The following RNF216 variants were observed in gnomAD, a reference collection of about 807,000 sequenced individuals.
RNF216 encodes ring finger protein 216.
In RNF216, 72 loss-of-function variants were observed where a neutral mutation model predicts 110.8. That is an observed-to-expected ratio of 0.65 (90% CI 0.54 to 0.79). RNF216 has a LOEUF of 0.79. RNF216 is among the 30% of genes least tolerant of loss of function. The probability of loss-of-function intolerance (pLI) is 0.00; values close to 1 mark genes in which losing one functional copy is unlikely to be tolerated. For missense variants in RNF216, 1,342 were observed against 1,141.2 expected (o/e 1.18, Z -2.54); for synonymous variants, 495 against 407.5 (o/e 1.21, Z -2.59).
At chr7:5,636,293 T>C (rs1692468834) in intron 15 of RNF216, among the ~76,000 whole-genome samples, 1 of 152,266 alleles carries the variant, frequency 6.6e-6, no homozygotes, top group Non-Finnish European at 1.5e-5. Context: ...TGTTCGCTTC[T>C]GGTTTTTTGC....
At chr7:5,638,854 T>TA (rs1787562095) in intron 15 of RNF216, among the ~76,000 whole-genome samples, 1 of 152,104 alleles carries the variant, frequency 6.6e-6, no homozygotes, top group Admixed American at 6.6e-5. Flanking sequence ...AGGCTGTTCT[T>TA]AAACTCCAGG....
chr7:5,779,941 C>G (rs1381852936), intron 1 of RNF216: 1 of 152,030 alleles, frequency 6.6e-6, no homozygotes, highest in Non-Finnish European at 1.5e-5. Flanking sequence ...CGGATATGCT[C>G]TGGTCCCCCA....
At chr7:5,730,995 TTTCTATC>T (rs1682201974) in intron 5 of RNF216, among the ~76,000 whole-genome samples, 178 bp from the exon 6 acceptor site, 1 of 152,224 alleles carries the variant, frequency 6.6e-6, no homozygotes, top group Non-Finnish European at 1.5e-5. Context: ...CTGCACTGAA[TTTCTATC>T]TTTGTGAAAG....
chr7:5,710,811 C>T (rs908828612), intron 13 of RNF216, among the ~76,000 whole-genome samples: 3 of 152,190 alleles, frequency 2.0e-5, no homozygotes, highest in Non-Finnish European at 2.9e-5. Flanking sequence ...CCTCCCCAGG[C>T]AGTCCAACAC....
intron 13 of RNF216, among the ~76,000 whole-genome samples, chr7:5,679,077 G>C (rs1790489552): frequency 6.6e-6 from 1 of 152,238 alleles, no homozygotes; most frequent in South Asian, 2.1e-4. Flanking sequence ...ACAGTGGAAT[G>C]AATAACAGCA....
rs1359947044 is a variant in RNF216, at chr7:5,741,589, G to T, written c.428C>A (p.Ser143Tyr). 6.2e-7 allele frequency: 1 copy of T among 1,614,026 alleles called. No homozygotes were observed. The highest frequency in any genetic ancestry group is 8.5e-7 in the Non-Finnish European group (1 of 1,180,048). Reference sequence around the variant, plus strand: ...TTGGCCACTTGGCTTAGTGAATTCAGAGATTCCAGGAGGCCCAAGATCCAG... The same window carrying T: ...TTGGCCACTTGGCTTAGTGAATTCATAGATTCCAGGAGGCCCAAGATCCAG... ...EFLDLGPPGI[S>Y]EFTKPSGQTE... Residue 143 changes from serine to tyrosine, a missense_variant, in exon 4 of 17, where the codon TCT (serine) becomes TAT (tyrosine). Coordinates refer to ENST00000389902, the MANE Select transcript of RNF216 (RefSeq NM_207111.4).
intron 1 of RNF216, among the ~76,000 whole-genome samples, chr7:5,762,372 C>G (rs1434664593): frequency 6.6e-6 from 1 of 151,076 alleles, no homozygotes; most frequent in Non-Finnish European, 1.5e-5. Context: ...AAAACACACA[C>G]ACAGGCTGGG....
intron 15 of RNF216, among the ~76,000 whole-genome samples, chr7:5,633,474 G>C (rs1409276726): frequency 6.6e-6 from 1 of 151,952 alleles, no homozygotes. Flanking sequence ...ACTCAGGAGG[G>C]TGAGGCAGGA....
At chr7:5,686,224 TAAAAAA>T (rs71971690) in intron 13 of RNF216, among the ~76,000 whole-genome samples, 11 of 111,626 alleles carry the variant, frequency 9.9e-5, no homozygotes, top group Admixed American at 3.7e-4. Context: ...ACTCTGTTAT[TAAAAAA>T]AAAAAAAAAA....
At chr7:5,734,093 AG>A (rs1160350362) in intron 5 of RNF216, among the ~76,000 whole-genome samples, 1 of 152,228 alleles carries the variant, frequency 6.6e-6, no homozygotes, top group Admixed American at 6.5e-5. Flanking sequence ...TTCTGCTGGA[AG>A]ACACAAACAT....
At chr7:5,774,505 G>A (rs1477176242) in intron 1 of RNF216, among the ~76,000 whole-genome samples, 1 of 152,176 alleles carries the variant, frequency 6.6e-6, no homozygotes, top group East Asian at 1.9e-4. Context: ...ATTACATGAA[G>A]TTTTAGCACA....
intron 2 of RNF216, among the ~76,000 whole-genome samples, chr7:5,756,051 G>T (rs529413452): frequency 2.6e-5 from 4 of 152,166 alleles, no homozygotes; most frequent in Non-Finnish European, 5.9e-5. Context: ...CACAAGTCAC[G>T]AGCGGGACAG....
At chr7:5,724,714 A>C (rs1793643511) in intron 8 of RNF216, among the ~76,000 whole-genome samples, 1 of 152,208 alleles carries the variant, frequency 6.6e-6, no homozygotes, top group African/African-American at 2.4e-5. Flanking sequence ...TGTGGTAATT[A>C]AGTACACATG....
Position 5,741,679 on chromosome 7 carries a change from A to G in RNF216, c.338T>C (p.Val113Ala). 1.2e-6 allele frequency: 2 copies of G among 1,614,206 alleles called. No homozygotes were observed. The highest frequency in any genetic ancestry group is 8.5e-7 in the Non-Finnish European group (1 of 1,180,040). ...AGAATCAAACAATGGGTTGTTACACACTGAAAAATAGCTGCTCTTATCTGA... is the reference window on the plus strand; with the variant it reads ...AGAATCAAACAATGGGTTGTTACACGCTGAAAAATAGCTGCTCTTATCTGA... ...FESDKSSYFS[V>A]CNNPLFDSGA... The change falls in exon 4 of 17, where the codon GTG becomes GCG. Residue 113 changes from valine to alanine, a missense_variant. Physicochemically the swap from Val to Ala is moderately conservative, Grantham distance 64. Transcript: ENST00000389902.
At chr7:5,764,473 C>T (rs552393644) in intron 1 of RNF216, among the ~76,000 whole-genome samples, 67 of 151,800 alleles carry the variant, frequency 4.4e-4, no homozygotes, top group Non-Finnish European at 8.0e-4. Flanking sequence ...CATGGCAAAA[C>T]GCCGTCTCTA....
chr7:5,672,300 T>C lies in RNF216; in HGVS notation c.2062-19790A>G, dbSNP rs545849667. 3.9e-5 allele frequency among the ~76,000 whole-genome samples: 6 copies of C among 152,334 alleles called. No individual in the cohort carries two copies. The East Asian group carries it at 7.7e-4, about 20-fold the overall frequency. On this transcript the variant is annotated intron_variant, in intron 13 of 16. Coordinates refer to ENST00000389902, the MANE Select transcript of RNF216 (RefSeq NM_207111.4). ...AGCTGCCCCTAAATACATGTTTACT[T>C]TGGGGGAATGATAATCTTGTAGTTA... is the stretch of plus-strand genomic sequence containing the variant.
At chr7:5,635,980 G>A (rs2128562701) in intron 15 of RNF216, among the ~76,000 whole-genome samples, 1 of 152,304 alleles carries the variant, frequency 6.6e-6, no homozygotes, top group African/African-American at 2.4e-5. Flanking sequence ...ACAATTCTCT[G>A]TAGTTTCTCG....
At chr7:5,713,766 A>G (rs544884031) in intron 11 of RNF216, among the ~76,000 whole-genome samples, 1 of 152,384 alleles carries the variant, frequency 6.6e-6, no homozygotes, top group Admixed American at 6.5e-5. Context: ...CATTTTAAAA[A>G]TAACTAGCTA....
Position 5,623,036 on chromosome 7 carries a change from G to A in RNF216, c.2596C>T (p.Leu866=), listed in dbSNP as rs1368695290. 3.7e-6 allele frequency: 6 copies of A among 1,614,046 alleles called. No homozygotes were observed. The highest frequency in any genetic ancestry group is 1.1e-5 in the South Asian group (1 of 91,080). ...PYAFAHPPFP[L]PPVRPVFNNF... Reference sequence around the variant, plus strand: ...TTGAACACAGGCCGCACGGGAGGCAGGGGGAAGGGTGGGTGCGCGAAGGCA... The same window carrying A: ...TTGAACACAGGCCGCACGGGAGGCAAGGGGAAGGGTGGGTGCGCGAAGGCA... Residue 866 remains leucine (L), a synonymous_variant, in exon 17 of 17, where the codon CTG becomes TTG. Coordinates refer to ENST00000389902, the MANE Select transcript of RNF216 (RefSeq NM_207111.4).
Sources: allele counts gnomAD v4.1 joint callset (sites outside exome capture counted in the v4.1 genomes callset), GRCh38; gene constraint gnomAD v4.1.1; transcripts MANE v1.5; gene names NCBI Gene and HGNC (gene_info 2026-07-23, HGNC 2026-07-21).